The following FAM149A variants were observed in gnomAD, a reference collection of about 807,000 sequenced individuals.
The protein encoded by FAM149A is protein FAM149A.
Under a neutral mutation model 78.2 loss-of-function variants are expected in FAM149A, and 71 were observed. That is an observed-to-expected ratio of 0.91 (90% CI 0.75 to 1.11). FAM149A has a LOEUF of 1.11. Among genes scored for constraint, FAM149A ranks in the 50% least tolerant of loss-of-function variants. The probability of loss-of-function intolerance (pLI) is 0.00; values close to 1 mark genes in which losing one functional copy is unlikely to be tolerated. For synonymous variants in FAM149A, 446 were observed against 410.5 expected (o/e 1.09, Z -1.04); for missense variants, 1,036 against 971.0 (o/e 1.07, Z -0.89).
intron 1 of FAM149A, among the ~76,000 whole-genome samples, chr4:186,135,660 A>G (rs1167612896): frequency 6.6e-6 from 1 of 152,224 alleles, no homozygotes; most frequent in East Asian, 1.9e-4. Context: ...AAGCTGATCA[A>G]CATACGTATT....
chr4:186,143,000 A>G (rs1035367923), intron 1 of FAM149A, among the ~76,000 whole-genome samples: 5 of 152,168 alleles, frequency 3.3e-5, no homozygotes, highest in African/African-American at 1.2e-4. Context: ...GGTCTCTGAC[A>G]TCAGTATTTT....
At chr4:186,159,914 A>AAC (rs557318081) in intron 8 of FAM149A, among the ~76,000 whole-genome samples, 2,777 of 149,490 alleles carry the variant, frequency 0.019, 101 homozygotes, top group African/African-American at 0.063. Context: ...CATGTCAAAC[A>AAC]ACACACACAC....
At chr4:186,162,489 C>A (rs1734687838) in intron 8 of FAM149A, among the ~76,000 whole-genome samples, 1 of 152,182 alleles carries the variant, frequency 6.6e-6, no homozygotes, top group Admixed American at 6.5e-5. Flanking sequence ...TGGGGGGAGA[C>A]TGAAGCACGG....
At chr4:186,105,775 C>G (rs995763930) in intron 1 of FAM149A, 133 bp downstream of exon 1, 1 of 555,266 alleles carries the variant, frequency 1.8e-6, no homozygotes. Flanking sequence ...CCCCTGGGCA[C>G]CCTCCTTGCA....
chr4:186,153,146 C>T (rs1456561335), intron 4 of FAM149A: 1 of 477,666 alleles, frequency 2.1e-6, no homozygotes. Context: ...AATTCGGGAG[C>T]TCACACTTAT....
At position 186,149,611 on chromosome 4, in the gene FAM149A, G is replaced by A. The variant is rs758406540; in HGVS notation, c.696G>A (p.Thr232=). 1.0e-5 allele frequency: 13 copies of A among 1,289,758 alleles called. No homozygotes were observed. The highest frequency in any genetic ancestry group is 2.1e-4 in the Middle Eastern group (1 of 4,718). The allele number at this position is 1,289,758 out of a possible 1,614,324, so 79.9% of individuals were successfully genotyped here. ...CCTCCAGCGGAAGCCATACACCCAC[G>A]GGAGCCCACACCTCTTGGTCTGGGT... The change falls in exon 3 of 14, where the codon ACG becomes ACA. Residue 232 remains threonine, a synonymous_variant. Transcript: ENST00000389354.
rs1438639651 is a variant in FAM149A at position 186,171,903 on chromosome 4, G to A, written c.2219-11G>A. 2 of 1,598,582 alleles carry A rather than the reference G, an allele frequency of 1.3e-6. No homozygotes were observed. The highest frequency in any genetic ancestry group is 4.5e-5 in the East Asian group (2 of 44,400). On this transcript the variant is annotated splice_polypyrimidine_tract_variant and intron_variant, in intron 13 of 13. Coordinates refer to ENST00000389354, the MANE Select transcript of FAM149A (RefSeq NM_001367768.3). ...TTTTAATGAGAATTACCTTTTGCTT[G>A]GTGTTTCCAGGTTCACAATATGTGC...
At chr4:186,146,880 T>G (rs1417712058) in intron 1 of FAM149A, 1 of 985,492 alleles carries the variant, frequency 1.0e-6, no homozygotes, top group Non-Finnish European at 1.2e-6. Flanking sequence ...TTTGAGTTGC[T>G]AATTTCGTCT....
At position 186,138,937 on chromosome 4, in the gene FAM149A, C is replaced by T. The variant is rs541165626; in HGVS notation, c.567-10236C>T. 5.9e-5 allele frequency among the ~76,000 whole-genome samples: 9 copies of T among 152,268 alleles called. No individual in the cohort carries two copies. The South Asian group carries it at 1.5e-3, about 25-fold the overall frequency. Reference sequence around the variant, plus strand: ...CTCTTGGAGAAGAAGGTATGATGCCCGCCTCCTGGAAGGGGAGACACACAC... The same window carrying T: ...CTCTTGGAGAAGAAGGTATGATGCCTGCCTCCTGGAAGGGGAGACACACAC... On this transcript the variant is annotated intron_variant, in intron 1 of 13. Transcript: ENST00000389354.
chr4:186,127,277 C>T (rs142363113), intron 1 of FAM149A: 9 of 979,226 alleles, frequency 9.2e-6, no homozygotes, highest in East Asian at 1.1e-4. Context: ...CGGTTTCTTC[C>T]GGAGAGTTAG....
In FAM149A at chr4:186,144,734, C is replaced by A; in HGVS notation, c.567-4439C>A. The A allele has an allele frequency of 1.2e-6, 1 of 850,992 alleles. No homozygotes were observed. Among genetic ancestry groups the A allele is most frequent in the Non-Finnish European group, 1.4e-6 (1 of 707,006 alleles). 52.7% of individuals were successfully genotyped at this position (850,992 alleles called of 1,614,324 possible). ...CCCGGAGGTCGGCGCGGGGCCGGGG[C>A]CGGGGCCGGGGCCCGGAGCGGGGAT... On this transcript the variant is annotated intron_variant, in intron 1 of 13. Coordinates refer to ENST00000389354, the MANE Select transcript of FAM149A (RefSeq NM_001367768.3). This position sits in a 1 kb window ranked among gnomAD's most constrained non-coding sequence, Gnocchi z 4.2.
At chr4:186,127,837 C>T (rs889352253) in intron 1 of FAM149A, 1 of 196,886 alleles carries the variant, frequency 5.1e-6, no homozygotes, top group African/African-American at 2.4e-5. Context: ...AGGCCTGAGC[C>T]ACCATTCCCA....
chr4:186,116,410 G>T (rs2099313718), intron 1 of FAM149A: 2 of 976,162 alleles, frequency 2.0e-6, no homozygotes, highest in Non-Finnish European at 2.4e-6. Flanking sequence ...GGCCATCTTG[G>T]CTCCTCCCTC....
chr4:186,106,489 C>T (rs774210527), intron 1 of FAM149A, among the ~76,000 whole-genome samples: 5 of 152,108 alleles, frequency 3.3e-5, no homozygotes, highest in Non-Finnish European at 7.4e-5. Flanking sequence ...TGGTCAAAGA[C>T]AGATGAGCCA....
chr4:186,166,572 AC>A (rs1168318896), intron 11 of FAM149A, among the ~76,000 whole-genome samples: 1 of 146,042 alleles, frequency 6.8e-6, no homozygotes, highest in Non-Finnish European at 1.5e-5. Context: ...AATCGCTTGA[AC>A]CCTGGAGGCC....
rs1733788648 is a variant in FAM149A, at chr4:186,153,625, G to A, written c.933-20G>A. The A allele has an allele frequency of 6.3e-7, 1 of 1,598,172 alleles. No individual in the cohort carries two copies. Among genetic ancestry groups the A allele is most frequent in the Admixed American group, 1.7e-5 (1 of 58,944 alleles). The stretch of plus-strand genomic sequence containing the variant: ...CTTTGTCTGATCAAAAATGTCAGTA[G>A]CTTCTCTTTGACCTCGCAGAGTATT... On this transcript the variant is annotated intron_variant, in intron 4 of 13. Transcript: ENST00000389354.
Position 186,105,142 on chromosome 4 carries a change from C to A in FAM149A, c.66C>A (p.Pro22=), listed in dbSNP as rs1296889826. 7.8e-7 allele frequency: 1 copy of A among 1,280,292 alleles called. No homozygotes were observed. The highest frequency in any genetic ancestry group is 1.0e-6 in the Non-Finnish European group (1 of 984,942). The allele number at this position is 1,280,292 out of a possible 1,614,324, so 79.3% of individuals were successfully genotyped here. The change falls in exon 1 of 14, where the codon CCC becomes CCA. Residue 22 remains proline (P), a synonymous_variant. Transcript: ENST00000389354. ...AACTCTTCGAGACCTCGACGGCGCC[C>A]CCCGCAGGCCCCTCCTCCAGACCCT...
intron 1 of FAM149A, 24 bp from the exon 2 acceptor site, chr4:186,149,149 C>G (rs1478768508): frequency 7.9e-7 from 1 of 1,265,164 alleles, no homozygotes; most frequent in African/African-American, 1.6e-5. Flanking sequence ...TAGGGAGACT[C>G]GTCATGTTTT....
chr4:186,126,803 C>A, intron 1 of FAM149A: 2 of 814,398 alleles, frequency 2.5e-6, no homozygotes, highest in East Asian at 1.3e-4. Context: ...TGAGCCTGTT[C>A]CCCTAATAAA....
Sources: gnomAD v4.1 joint callset for allele counts (sites outside exome capture counted in the v4.1 genomes callset) on GRCh38, gnomAD v4.1.1 for gene constraint, Gnocchi (gnomAD v3.1) non-coding constraint, MANE v1.5 for transcripts, NCBI Gene and HGNC (gene_info 2026-07-23, HGNC 2026-07-21) for gene names.